The following AK8 variants were observed in gnomAD, a reference collection of about 807,000 sequenced individuals.
The protein encoded by AK8 is ATP-AMP transphosphorylase 8.
Under a neutral mutation model 54.6 loss-of-function variants are expected in AK8, and 44 were observed. The observed-to-expected ratio is 0.81, with a 90% CI of 0.63 to 1.04. The LOEUF (loss-of-function observed/expected upper bound fraction) is 1.04, where lower values mean the gene tolerates loss of function less well. Among genes scored for constraint, AK8 ranks in the 50% least tolerant of loss-of-function variants. The pLI is 0.00. For synonymous variants in AK8, 239 were observed against 245.6 expected, an observed-to-expected ratio of 0.97 and a Z score of 0.25; for missense variants, 555 against 613.6, an observed-to-expected ratio of 0.90 and a Z score of 1.01.
At chr9:132,776,266 C>T (rs529696831) in intron 11 of AK8, among the ~76,000 whole-genome samples, 5 of 152,326 alleles carry the variant, frequency 3.3e-5, no homozygotes, top group Admixed American at 6.5e-5. Context: ...GGGCTCGAGC[C>T]CAGGGGTGCA....
Position 132,824,949 on chromosome 9 carries a change from G to A in AK8, c.758-1613C>T, listed in dbSNP as rs147746562. On this transcript the variant is annotated intron_variant, in intron 8 of 12. Transcript: ENST00000298545. ...GTTATTCATGTCCCATTTTACAGATGAGCCAATTAGGCTGAGACTTGGCAG... is the reference window on the plus strand; with the variant it reads ...GTTATTCATGTCCCATTTTACAGATAAGCCAATTAGGCTGAGACTTGGCAG... 2.0e-3 allele frequency among the ~76,000 whole-genome samples: 305 copies of A among 152,260 alleles called. 2 individuals carry two copies. In the East Asian group the frequency reaches 0.024, roughly 12 times the overall value.
chr9:132,869,934 C>T (rs1001249306), intron 2 of AK8, among the ~76,000 whole-genome samples: 1 of 152,156 alleles, frequency 6.6e-6, no homozygotes, highest in African/African-American at 2.4e-5. Flanking sequence ...AACCTGGGTC[C>T]ACTCATGCAC....
chr9:132,740,880 G>A (rs1166657070), intron 11 of AK8, among the ~76,000 whole-genome samples: 1 of 152,222 alleles, frequency 6.6e-6, no homozygotes, highest in Non-Finnish European at 1.5e-5. Context: ...GGATGCAGAA[G>A]AGTTGACCAA....
chr9:132,812,397 A>ATTT (rs528321058), intron 10 of AK8, among the ~76,000 whole-genome samples: 4 of 144,158 alleles, frequency 2.8e-5, no homozygotes, highest in South Asian at 2.2e-4. Context: ...CACGTGGCTA[A>ATTT]TTTTTTTTTT....
intron 4 of AK8, among the ~76,000 whole-genome samples, chr9:132,856,845 T>C (rs1414298927): frequency 6.6e-6 from 1 of 152,098 alleles, no homozygotes; most frequent in African/African-American, 2.4e-5. Context: ...GAATGGCTTT[T>C]CCAGGGATGG....
At chr9:132,782,970 G>A (rs1428551432) in intron 11 of AK8, among the ~76,000 whole-genome samples, 1 of 152,196 alleles carries the variant, frequency 6.6e-6, no homozygotes, top group African/African-American at 2.4e-5. Flanking sequence ...CTAACTTTGG[G>A]AAAGGCAGAA....
intron 8 of AK8, among the ~76,000 whole-genome samples, chr9:132,824,478 T>C (rs1841792585): frequency 6.6e-6 from 1 of 152,172 alleles, no homozygotes; most frequent in Admixed American, 6.5e-5. Flanking sequence ...ACCAGGCAGG[T>C]TCCTCATCCT....
upstream of AK8, chr9:132,878,868 G>T: frequency 1.3e-5 from 10 of 758,580 alleles, no homozygotes; most frequent in Non-Finnish European, 1.6e-5. This position sits in a 1 kb window ranked among gnomAD's most constrained non-coding sequence, Gnocchi z 4.7. Context: ...CCGCGGCCCC[G>T]CCCCTTCTCG....
chr9:132,820,543 C>T (rs1841540050), intron 9 of AK8, among the ~76,000 whole-genome samples: 2 of 152,232 alleles, frequency 1.3e-5, no homozygotes, highest in South Asian at 4.1e-4. Flanking sequence ...TGCCACATCT[C>T]TCCTTACATA....
rs1840357828 is a variant in AK8 at position 132,799,812 on chromosome 9, CT to C, written c.980-7038del. 6.6e-6 allele frequency among the ~76,000 whole-genome samples: 1 copy of C among 152,126 alleles called. No homozygotes were observed. ...CAAACTGCCCGGTGTAACTTCTTTC[CT>C]TCTTCAAGCCCTCCTTGAAATTGAT... On this transcript the variant is annotated intron_variant, in intron 10 of 12. Transcript: ENST00000298545. This position sits in a 1 kb window ranked among gnomAD's most constrained non-coding sequence, Gnocchi z 5.0.
At position 132,837,407 on chromosome 9, in the gene AK8, G is replaced by A. The variant is rs191763003; in HGVS notation, c.403-8681C>T. On this transcript the variant is annotated intron_variant, in intron 5 of 12. Transcript: ENST00000298545. This position sits in a 1 kb window ranked among gnomAD's most constrained non-coding sequence, Gnocchi z 4.3. ...TGCTGTGGGTGCCCTGCTAGCTCTC[G>A]GGAGCAGACGTGGCACCTCTGACTC... Among the ~76,000 whole-genome samples the A allele has an allele frequency of 2.9e-4, 44 of 151,936 alleles. No individual in the cohort carries two copies. Among genetic ancestry groups the A allele is most frequent in the Admixed American group, 5.2e-4 (8 of 15,270 alleles).
chr9:132,745,169 G>A (rs1436449049), intron 11 of AK8, among the ~76,000 whole-genome samples: 1 of 152,178 alleles, frequency 6.6e-6, no homozygotes, highest in Non-Finnish European at 1.5e-5. Context: ...TACGCTTTAC[G>A]GTGGGGCCTT....
rs1409589326 is a variant in AK8, at chr9:132,791,248, G to C, written c.1121+1386C>G. ...AGAGAGACAGAGAGAGAGCAAAGGG[G>C]GAGGTGCCACACTTTAAAACCATCA... On this transcript the variant is annotated intron_variant, in intron 11 of 12. Transcript: ENST00000298545. This position sits in a 1 kb window ranked among gnomAD's most constrained non-coding sequence, Gnocchi z 4.0. Among the ~76,000 whole-genome samples, 2 of 152,148 alleles carry C rather than the reference G, an allele frequency of 1.3e-5. No homozygotes were observed. The highest frequency in any genetic ancestry group is 4.8e-5 in the African/African-American group (2 of 41,426).
chr9:132,816,526 A>C (rs1357526765), intron 9 of AK8, among the ~76,000 whole-genome samples: 1 of 152,202 alleles, frequency 6.6e-6, no homozygotes, highest in Non-Finnish European at 1.5e-5. Flanking sequence ...AACCTGCTTT[A>C]GGTCACAGAG....
At chr9:132,793,925 G>A (rs1213253896) in intron 10 of AK8, among the ~76,000 whole-genome samples, 1 of 152,138 alleles carries the variant, frequency 6.6e-6, no homozygotes, top group Non-Finnish European at 1.5e-5. Context: ...CCGACTGCCC[G>A]GGGGTCTGGC....
intron 5 of AK8, among the ~76,000 whole-genome samples, chr9:132,843,716 T>A (rs1225939580): frequency 1.3e-5 from 2 of 152,154 alleles, no homozygotes; most frequent in African/African-American, 4.8e-5. Context: ...TGTTTCTCTA[T>A]GTTTAAAGTC....
chr9:132,830,073 A>T (rs1564426466), intron 5 of AK8, among the ~76,000 whole-genome samples: 1 of 152,202 alleles, frequency 6.6e-6, no homozygotes. Context: ...CACACTGTAC[A>T]CACTGTTTGG....
intron 10 of AK8, among the ~76,000 whole-genome samples, chr9:132,806,101 CGTGTGTGTGT>C (rs5900993): frequency 1.3e-5 from 2 of 148,568 alleles, no homozygotes; most frequent in Non-Finnish European, 3.0e-5. Flanking sequence ...TACTGCTTGG[CGTGTGTGTGT>C]GTGTGTGTGT....
intron 4 of AK8, among the ~76,000 whole-genome samples, chr9:132,855,395 G>A (rs1843136907): frequency 6.6e-6 from 1 of 152,212 alleles, no homozygotes; most frequent in Non-Finnish European, 1.5e-5. Flanking sequence ...AAGGGACAGT[G>A]TCCTACTGAC....
Sources: gnomAD v4.1 joint callset for allele counts (sites outside exome capture counted in the v4.1 genomes callset) on GRCh38, gnomAD v4.1.1 for gene constraint, Gnocchi (gnomAD v3.1) non-coding constraint, MANE v1.5 for transcripts, NCBI Gene and HGNC (gene_info 2026-07-23, HGNC 2026-07-21) for gene names.